Variants in NAV3 observed in about 807,000 individuals in gnomAD.
NAV3 encodes neuron navigator 3.
In NAV3, 87 loss-of-function variants were observed where a neutral mutation model predicts 244.7. The ratio of observed to expected loss-of-function variants is 0.36; its 90% confidence interval spans 0.30 to 0.42. The LOEUF (loss-of-function observed/expected upper bound fraction) is 0.42, where lower values mean the gene tolerates loss of function less well. NAV3 is among the 20% of genes least tolerant of loss of function. The probability of loss-of-function intolerance (pLI) is 1.00; values close to 1 mark genes in which losing one functional copy is unlikely to be tolerated. For synonymous variants in NAV3, 1,126 were observed against 1,042.2 expected (o/e 1.08, Z -1.55); for missense variants, 2,663 against 2,893.3 (o/e 0.92, Z 1.83).
intron 1 of NAV3, among the ~76,000 whole-genome samples, chr12:77,931,612 A>G (rs1888799138): frequency 6.6e-6 from 1 of 152,098 alleles, no homozygotes; most frequent in East Asian, 1.9e-4. Context: ...CACTCCTGTA[A>G]TCCCAGCACT....
At chr12:77,778,850 A>G (rs1012127868) in intron 2 of NAV3, among the ~76,000 whole-genome samples, 4 of 152,172 alleles carry the variant, frequency 2.6e-5, no homozygotes, top group African/African-American at 9.7e-5. Context: ...ATCAGAGGAT[A>G]AGTATTGTCT....
intron 2 of NAV3, among the ~76,000 whole-genome samples, chr12:77,591,555 A>G (rs1183743144): frequency 6.6e-6 from 1 of 152,228 alleles, no homozygotes; most frequent in Admixed American, 6.5e-5. Context: ...CTATAGAACC[A>G]ACCAATACAG....
intron 2 of NAV3, among the ~76,000 whole-genome samples, chr12:77,618,729 T>C (rs1275699852): frequency 1.3e-5 from 2 of 152,190 alleles, no homozygotes; most frequent in Non-Finnish European, 2.9e-5. Context: ...TTTTATAGAA[T>C]GTATTCATTG....
intron 12 of NAV3, among the ~76,000 whole-genome samples, chr12:78,076,258 C>A (rs768938800): frequency 2.6e-5 from 4 of 152,168 alleles, no homozygotes; most frequent in Non-Finnish European, 4.4e-5. Flanking sequence ...ACCTGGAATA[C>A]CAATTCTGGT....
chr12:78,189,133 A>G (rs1333922398), intron 33 of NAV3, among the ~76,000 whole-genome samples: 1 of 151,882 alleles, frequency 6.6e-6, no homozygotes. Context: ...ATTCATTGAT[A>G]TATCTTTGAT....
intron 1 of NAV3, among the ~76,000 whole-genome samples, chr12:77,927,150 A>C (rs1888300719): frequency 6.6e-6 from 1 of 152,214 alleles, no homozygotes; most frequent in Non-Finnish European, 1.5e-5. Flanking sequence ...CTGTTTTCAT[A>C]ACTGTTTTTT....
At chr12:77,779,375 C>T (rs1463265080) in intron 2 of NAV3, among the ~76,000 whole-genome samples, 2 of 152,154 alleles carry the variant, frequency 1.3e-5, no homozygotes, top group South Asian at 2.1e-4. Context: ...TACATATATT[C>T]AGGTCATCTA....
rs754607690 is a variant in NAV3 at position 78,127,221 on chromosome 12, C to G, written c.4280+13C>G. The G allele has an allele frequency of 3.1e-6, 5 of 1,611,820 alleles. No individual in the cohort carries two copies. The East Asian group carries it at 8.9e-5, about 29-fold the overall frequency. On this transcript the variant is annotated intron_variant, in intron 17 of 39. Coordinates refer to ENST00000397909, the MANE Select transcript of NAV3 (RefSeq NM_001024383.2). The stretch of plus-strand genomic sequence containing the variant: ...AAAAGGGACTAAGGTATATATTCCT[C>G]TCAGCACAATTGCTACCTCTCTGTT...
intron 1 of NAV3, among the ~76,000 whole-genome samples, chr12:77,854,369 A>G (rs1878027246): frequency 6.6e-6 from 1 of 152,180 alleles, no homozygotes; most frequent in African/African-American, 2.4e-5. Context: ...ATCTGCATAA[A>G]TCCCCTAAAT....
At chr12:77,694,760 G>A (rs1408899251) in intron 2 of NAV3, among the ~76,000 whole-genome samples, 1 of 152,170 alleles carries the variant, frequency 6.6e-6, no homozygotes, top group Non-Finnish European at 1.5e-5. Context: ...ATAGAGAAGA[G>A]AGATTGGGTC....
intron 2 of NAV3, among the ~76,000 whole-genome samples, chr12:77,745,223 T>G (rs542957754): frequency 6.6e-6 from 1 of 152,204 alleles, no homozygotes; most frequent in South Asian, 2.1e-4. Context: ...ACTTTGTTAA[T>G]GGTAAGTATT....
At chr12:77,995,267 A>C (rs1236934070) in intron 6 of NAV3, among the ~76,000 whole-genome samples, 1 of 152,156 alleles carries the variant, frequency 6.6e-6, no homozygotes, top group Non-Finnish European at 1.5e-5. Flanking sequence ...AGATTTGAAA[A>C]ACATTGGCAG....
intron 9 of NAV3, among the ~76,000 whole-genome samples, chr12:78,046,680 T>G (rs1475339465): frequency 6.6e-6 from 1 of 152,216 alleles, no homozygotes; most frequent in Middle Eastern, 3.2e-3. Flanking sequence ...ATAAGTGTGA[T>G]GTGGTTCTGA....
chr12:77,805,940 T>C (rs1219043748), intron 2 of NAV3, among the ~76,000 whole-genome samples: 1 of 152,228 alleles, frequency 6.6e-6, no homozygotes, highest in Non-Finnish European at 1.5e-5. Flanking sequence ...CTAGATTTTC[T>C]AGTTTATTTG....
intron 5 of NAV3, among the ~76,000 whole-genome samples, chr12:77,969,421 C>CT (rs1171131206): frequency 6.6e-6 from 1 of 152,074 alleles, no homozygotes; most frequent in African/African-American, 2.4e-5. Context: ...ATTGAGCATA[C>CT]TGGTTAGGCA....
intron 2 of NAV3, among the ~76,000 whole-genome samples, chr12:77,758,745 G>C (rs1336382253): frequency 6.6e-6 from 1 of 152,174 alleles, no homozygotes; most frequent in Non-Finnish European, 1.5e-5. Flanking sequence ...AAATGAGCTA[G>C]AGATAGGGGA....
chr12:78,170,043 C>G (rs139804018), intron 24 of NAV3, among the ~76,000 whole-genome samples: 2 of 151,660 alleles, frequency 1.3e-5, no homozygotes, highest in African/African-American at 4.8e-5. Flanking sequence ...AGAAAATCAT[C>G]TCATACTCTA....
At chr12:78,144,535 G>C (rs1019315702) in intron 20 of NAV3, among the ~76,000 whole-genome samples, 2 of 152,008 alleles carry the variant, frequency 1.3e-5, no homozygotes, top group South Asian at 4.1e-4. Context: ...CACAGAGTAC[G>C]AAAGAAGGCA....
intron 1 of NAV3, among the ~76,000 whole-genome samples, chr12:77,834,262 T>C (rs1874235061): frequency 1.3e-5 from 2 of 152,194 alleles, no homozygotes; most frequent in East Asian, 3.9e-4. Context: ...CCTGTATCAA[T>C]TTTATGTATA....
Sources: allele counts gnomAD v4.1 joint callset (sites outside exome capture counted in the v4.1 genomes callset), GRCh38; gene constraint gnomAD v4.1.1; transcripts MANE v1.5; gene names NCBI Gene and HGNC (gene_info 2026-07-23, HGNC 2026-07-21).